KAZN: variants seen among roughly 807,000 people sequenced by gnomAD.
KAZN encodes kazrin, periplakin interacting protein.
Under a neutral mutation model 87.4 loss-of-function variants are expected in KAZN, and 40 were observed. That is an observed-to-expected ratio of 0.46 (90% CI 0.36 to 0.60). The LOEUF is 0.60. KAZN is among the 20% of genes least tolerant of loss of function. The pLI is 0.00. For missense variants in KAZN, 898 were observed against 1,073.9 expected, an observed-to-expected ratio of 0.84 and a Z score of 2.29; for synonymous variants, 466 against 458.3, an observed-to-expected ratio of 1.02 and a Z score of -0.22.
At chr1:14,094,854 A>T (rs1362188300) in intron 1 of KAZN, among the ~76,000 whole-genome samples, 1 of 152,160 alleles carries the variant, frequency 6.6e-6, no homozygotes, top group Admixed American at 6.5e-5. Context: ...TTCCATCTTT[A>T]CTAGGTGGAA....
At chr1:13,908,419 G>A (rs959123079) in intron 1 of KAZN, among the ~76,000 whole-genome samples, 3 of 150,824 alleles carry the variant, frequency 2.0e-5, no homozygotes, top group Non-Finnish European at 4.4e-5. Flanking sequence ...CTTTGGCCTT[G>A]ACGGCTCTTT....
intron 4 of KAZN, among the ~76,000 whole-genome samples, chr1:15,048,641 C>T (rs796225755): frequency 0.013 from 1,151 of 88,750 alleles, no homozygotes; most frequent in South Asian, 0.024. Context: ...CCTGGGTCGT[C>T]GGTCCTGGGT....
chr1:15,074,662 C>A (rs16851241), intron 8 of KAZN, among the ~76,000 whole-genome samples: 17,830 of 152,036 alleles, frequency 0.12, 1,117 homozygotes, highest in East Asian at 0.26. Context: ...CAGGTCACAG[C>A]GATTTACAGT....
At chr1:14,048,595 G>C (rs924012010) in intron 1 of KAZN, among the ~76,000 whole-genome samples, 20 of 151,976 alleles carry the variant, frequency 1.3e-4, no homozygotes, top group Middle Eastern at 3.4e-3. Context: ...GTAGAGACAG[G>C]GTTTCACCAT....
At chr1:13,960,204 T>C (rs1379385651) in intron 1 of KAZN, among the ~76,000 whole-genome samples, 1 of 152,230 alleles carries the variant, frequency 6.6e-6, no homozygotes, top group Non-Finnish European at 1.5e-5. Flanking sequence ...AGCATTGTTT[T>C]AAAAGTTCTG....
chr1:14,681,811 A>C (rs1312279287), intron 1 of KAZN, among the ~76,000 whole-genome samples: 1 of 147,178 alleles, frequency 6.8e-6, no homozygotes, highest in East Asian at 2.0e-4. Flanking sequence ...CTGCCTCAGC[A>C]TCCACGAGTA....
At position 15,024,872 on chromosome 1, in the gene KAZN, C is replaced by T. The variant is rs768243433; in HGVS notation, c.419-9877C>T. Among the ~76,000 whole-genome samples, 9 of 152,266 alleles carry T rather than the reference C, an allele frequency of 5.9e-5. No homozygotes were observed. In the East Asian group the frequency reaches 9.7e-4, roughly 16 times the overall value. On this transcript the variant is annotated intron_variant, in intron 2 of 14. Coordinates refer to ENST00000376030, the MANE Select transcript of KAZN (RefSeq NM_201628.3). ...AGCTTAATAAGAACTTCAGCCATGC[C>T]GTGGCCAGCTCCGAGATCACCAGGA...
At chr1:14,029,032 C>A (rs1212190137) in intron 1 of KAZN, among the ~76,000 whole-genome samples, 2 of 151,408 alleles carry the variant, frequency 1.3e-5, no homozygotes, top group African/African-American at 4.9e-5. Context: ...AATTCTAGAT[C>A]CCTGAGGAAT....
intron 1 of KAZN, among the ~76,000 whole-genome samples, chr1:14,026,296 A>C (rs1328914468): frequency 6.6e-6 from 1 of 152,162 alleles, no homozygotes; most frequent in African/African-American, 2.4e-5. Flanking sequence ...TAGGTGCTCA[A>C]GGACTACCAT....
intron 2 of KAZN, among the ~76,000 whole-genome samples, chr1:14,529,000 T>C (rs1672063749): frequency 6.6e-6 from 1 of 151,934 alleles, no homozygotes; most frequent in South Asian, 2.1e-4. Flanking sequence ...TTACTGCAGT[T>C]ATAACAAAAT....
chr1:14,317,484 G>T (rs2100829239), intron 2 of KAZN, among the ~76,000 whole-genome samples: 1 of 151,962 alleles, frequency 6.6e-6, no homozygotes, highest in African/African-American at 2.4e-5. Flanking sequence ...TAGCTTAACA[G>T]TCTCTGCCAT....
intron 1 of KAZN, among the ~76,000 whole-genome samples, chr1:14,863,467 C>T (rs1231295241): frequency 6.6e-6 from 1 of 152,148 alleles, no homozygotes; most frequent in African/African-American, 2.4e-5. Flanking sequence ...GGAGAGAGGG[C>T]CCAGCCAATG....
intron 2 of KAZN, among the ~76,000 whole-genome samples, chr1:14,588,503 C>T: frequency 6.6e-6 from 1 of 152,214 alleles, no homozygotes; most frequent in East Asian, 1.9e-4. Flanking sequence ...TGATCATTTC[C>T]TGCTTAGCTT....
intron 1 of KAZN, among the ~76,000 whole-genome samples, chr1:14,698,818 C>T (rs187377744): frequency 6.6e-6 from 1 of 152,342 alleles, no homozygotes; most frequent in Admixed American, 6.5e-5. Context: ...TGTCCAAACA[C>T]CTGAAGTTGG....
At chr1:13,994,654 G>A (rs572624640) in intron 1 of KAZN, among the ~76,000 whole-genome samples, 12 of 152,244 alleles carry the variant, frequency 7.9e-5, no homozygotes, top group Admixed American at 2.0e-4. Flanking sequence ...GTAACCAGAC[G>A]GTTCTATGAG....
intron 1 of KAZN, among the ~76,000 whole-genome samples, chr1:14,863,305 T>A (rs1018718952): frequency 3.9e-5 from 6 of 152,206 alleles, no homozygotes; most frequent in Non-Finnish European, 7.3e-5. Flanking sequence ...GGGAGAGATT[T>A]ATCCTTCGGT....
intron 2 of KAZN, among the ~76,000 whole-genome samples, chr1:14,205,905 A>AAAAAAAAAAC (rs1557559797): frequency 4.0e-5 from 2 of 49,438 alleles, no homozygotes; most frequent in African/African-American, 9.6e-5. Context: ...AAAAAAAAAA[A>AAAAAAAAAAC]AGCTACCTAA....
intron 2 of KAZN, among the ~76,000 whole-genome samples, chr1:14,387,007 C>T (rs978369747): frequency 1.3e-5 from 2 of 152,134 alleles, no homozygotes; most frequent in South Asian, 2.1e-4. Flanking sequence ...GGAGGCTTTG[C>T]TCGTTTCTTT....
chr1:14,125,416 C>T (rs1044511253), intron 1 of KAZN, among the ~76,000 whole-genome samples: 3 of 152,130 alleles, frequency 2.0e-5, no homozygotes, highest in Non-Finnish European at 2.9e-5. Context: ...TTGCAGAGGT[C>T]ATTAAAAAGG....
Sources: gnomAD v4.1 joint callset for allele counts (sites outside exome capture counted in the v4.1 genomes callset) on GRCh38, gnomAD v4.1.1 for gene constraint, MANE v1.5 for transcripts, NCBI Gene and HGNC (gene_info 2026-07-23, HGNC 2026-07-21) for gene names.